The following FNDC3A variants were observed in gnomAD, a reference collection of about 807,000 sequenced individuals.
The protein encoded by FNDC3A is fibronectin type III domain containing 3A.
FNDC3A carries 32 observed loss-of-function variants against 148.9 expected under a neutral mutation model. The ratio of observed to expected loss-of-function variants is 0.21; its 90% CI spans 0.16 to 0.29. FNDC3A has a LOEUF of 0.29. FNDC3A is among the 10% of genes least tolerant of loss of function. The pLI is 1.00. For missense variants in FNDC3A, 1,191 were observed against 1,452.8 expected, an observed-to-expected ratio of 0.82 and a Z score of 2.93; for synonymous variants, 472 against 473.6, an observed-to-expected ratio of 1.00 and a Z score of 0.04.
At chr13:49,058,865 A>G (rs1042003570) in intron 2 of FNDC3A, among the ~76,000 whole-genome samples, 4 of 152,176 alleles carry the variant, frequency 2.6e-5, no homozygotes, top group African/African-American at 9.7e-5. Flanking sequence ...ACAGTCTTCT[A>G]ATTGGTAGCT....
intron 8 of FNDC3A, among the ~76,000 whole-genome samples, chr13:49,151,040 G>C (rs929651950): frequency 2.0e-5 from 3 of 151,970 alleles, no homozygotes; most frequent in African/African-American, 7.3e-5. Flanking sequence ...TTGTAAAGAA[G>C]AATGTGTTTT....
At chr13:49,135,454 T>C (rs1372153028) in intron 5 of FNDC3A, among the ~76,000 whole-genome samples, 1 of 152,200 alleles carries the variant, frequency 6.6e-6, no homozygotes, top group Non-Finnish European at 1.5e-5. Context: ...TGTTTTCTTC[T>C]AAGAGTTCTA....
intron 2 of FNDC3A, among the ~76,000 whole-genome samples, chr13:49,064,706 C>G (rs945469601): frequency 2.0e-5 from 3 of 152,088 alleles, no homozygotes; most frequent in Non-Finnish European, 4.4e-5. Context: ...ATAGCTCCTC[C>G]TGGGGTGGAG....
intron 2 of FNDC3A, among the ~76,000 whole-genome samples, chr13:49,014,395 TCTTTTGAGA>T (rs1952442835): frequency 8.5e-6 from 1 of 118,308 alleles, no homozygotes; most frequent in Non-Finnish European, 1.8e-5. Flanking sequence ...ATAAATGTCT[TCTTTTGAGA>T]AGTGTCTGTT....
At chr13:49,064,810 C>G (rs561699173) in intron 2 of FNDC3A, among the ~76,000 whole-genome samples, 1 of 152,238 alleles carries the variant, frequency 6.6e-6, no homozygotes, top group African/African-American at 2.4e-5. Flanking sequence ...TAGATGACCA[C>G]ATAACATACA....
chr13:49,016,417 G>T (rs1333147203), intron 2 of FNDC3A, among the ~76,000 whole-genome samples: 2 of 152,100 alleles, frequency 1.3e-5, no homozygotes, highest in Non-Finnish European at 2.9e-5. Flanking sequence ...TTCTCTGATG[G>T]TAGTTTGTAT....
rs767210765 is a variant in FNDC3A at position 49,197,990 on chromosome 13, T to C, written c.2499T>C (p.Ser833=). ...GCTCTGTTAATTTGTAGGCTCTGAG[T>C]GTTGTGGGTGCAGGCCCTTTCAGTG... is the stretch of plus-strand genomic sequence containing the variant. ...TTYYCRVQAL[S]VVGAGPFSEV... is the part of the protein sequence containing the mutation. The change falls in exon 22 of 26, where the codon AGT becomes AGC. Residue 833 remains serine, a synonymous_variant. Transcript: ENST00000492622. The C allele has an allele frequency of 1.2e-6, 2 of 1,612,066 alleles. No homozygotes were observed. Among genetic ancestry groups the C allele is most frequent in the East Asian group, 2.2e-5 (1 of 44,852 alleles).
At chr13:49,176,128 C>G (rs950175037) in intron 13 of FNDC3A, among the ~76,000 whole-genome samples, 31 of 152,316 alleles carry the variant, frequency 2.0e-4, no homozygotes, top group African/African-American at 7.2e-4. Flanking sequence ...CAATGTTCAT[C>G]AGGCATATTG....
intron 3 of FNDC3A, among the ~76,000 whole-genome samples, chr13:49,106,835 C>G (rs1012478181): frequency 1.7e-5 from 2 of 118,140 alleles, no homozygotes; most frequent in East Asian, 2.7e-4. Flanking sequence ...AAGCTAATGA[C>G]AGAATAAACA....
chr13:48,985,642 C>A (rs1951775516), intron 1 of FNDC3A, among the ~76,000 whole-genome samples: 1 of 152,036 alleles, frequency 6.6e-6, no homozygotes, highest in African/African-American at 2.4e-5. Context: ...CACAAAGACA[C>A]AATTCATACA....
chr13:49,115,365 C>G (rs1452284213), intron 4 of FNDC3A, among the ~76,000 whole-genome samples: 1 of 152,142 alleles, frequency 6.6e-6, no homozygotes, highest in South Asian at 2.1e-4. Flanking sequence ...ATGGTCTGCA[C>G]GCTTTGCCTC....
At chr13:48,985,314 C>T (rs1951767555) in intron 1 of FNDC3A, among the ~76,000 whole-genome samples, 1 of 152,152 alleles carries the variant, frequency 6.6e-6, no homozygotes, top group Non-Finnish European at 1.5e-5. Context: ...ATATAAATAG[C>T]TTCATCTTTT....
intron 2 of FNDC3A, among the ~76,000 whole-genome samples, chr13:49,040,540 G>T (rs1333834204): frequency 6.6e-6 from 1 of 152,184 alleles, no homozygotes; most frequent in Non-Finnish European, 1.5e-5. Flanking sequence ...TTTACAAATG[G>T]TGTAATGAAA....
chr13:49,042,181 T>C (rs1874987902), intron 2 of FNDC3A, among the ~76,000 whole-genome samples: 1 of 152,280 alleles, frequency 6.6e-6, no homozygotes, highest in East Asian at 1.9e-4. Context: ...AATAGAAAGA[T>C]ATTTATAAAA....
chr13:49,032,914 G>A (rs1212848704), intron 2 of FNDC3A, among the ~76,000 whole-genome samples: 1 of 151,972 alleles, frequency 6.6e-6, no homozygotes, highest in Non-Finnish European at 1.5e-5. Flanking sequence ...AAGCCTATTT[G>A]CATTTTAAAT....
chr13:49,184,528 T>C (rs961573433), intron 14 of FNDC3A, among the ~76,000 whole-genome samples: 2 of 152,152 alleles, frequency 1.3e-5, no homozygotes, highest in African/African-American at 4.8e-5. Flanking sequence ...TGTCTCCTTT[T>C]TGTAAGGTCA....
chr13:49,059,071 G>A (rs1876465393), intron 2 of FNDC3A, among the ~76,000 whole-genome samples: 2 of 152,166 alleles, frequency 1.3e-5, no homozygotes, highest in East Asian at 3.8e-4. Flanking sequence ...CAAAATGTTA[G>A]ATACATGTTA....
At chr13:49,196,853 C>T in intron 19 of FNDC3A, 24 bp from the exon 20 acceptor site, 4 of 1,305,302 alleles carry the variant, frequency 3.1e-6, no homozygotes, top group Non-Finnish European at 4.4e-6. Flanking sequence ...AAAATAAAAA[C>T]ACTAGTTACA....
chr13:49,088,151 T>G (rs1878937675), intron 3 of FNDC3A, among the ~76,000 whole-genome samples: 1 of 152,172 alleles, frequency 6.6e-6, no homozygotes, highest in Non-Finnish European at 1.5e-5. Flanking sequence ...CTTTTATATA[T>G]GAATAATTAA....
Sources: allele counts gnomAD v4.1 joint callset (sites outside exome capture counted in the v4.1 genomes callset), GRCh38; gene constraint gnomAD v4.1.1; transcripts MANE v1.5; gene names NCBI Gene and HGNC (gene_info 2026-07-23, HGNC 2026-07-21).